GRIPAP1: variants seen among roughly 807,000 people sequenced by gnomAD.
The protein encoded by GRIPAP1 is GRIP1-associated protein 1.
In GRIPAP1, 14 loss-of-function variants were observed where a neutral mutation model predicts 84.1. The observed-to-expected ratio is 0.17, with a 90% CI of 0.11 to 0.26. The LOEUF (loss-of-function observed/expected upper bound fraction) is 0.26, where lower values mean the gene tolerates loss of function less well. GRIPAP1 is among the 10% of genes least tolerant of loss of function. The pLI is 1.00. For missense variants in GRIPAP1, 518 were observed against 674.2 expected (o/e 0.77, Z 2.57); for synonymous variants, 261 against 256.8 (o/e 1.02, Z -0.15).
At chrX:48,981,765 G>T (rs1486564233) in intron 18 of GRIPAP1, 30 bp downstream of exon 18, 1 of 1,172,406 alleles carries the variant, frequency 8.5e-7, no homozygotes, top group African/African-American at 1.7e-5. Flanking sequence ...TCACTGTCTG[G>T]AGAGAGGAAC....
intron 5 of GRIPAP1, among the ~76,000 whole-genome samples, chrX:48,996,362 T>C (rs782009872): frequency 6.2e-5 from 7 of 112,247 alleles, no homozygotes; most frequent in African/African-American, 1.6e-4. Context: ...TCCCAACACT[T>C]TGGGAGGCCA....
intron 5 of GRIPAP1, among the ~76,000 whole-genome samples, chrX:48,997,022 T>G (rs1326002341): frequency 2.7e-5 from 3 of 111,396 alleles, no homozygotes; most frequent in Non-Finnish European, 5.7e-5. Flanking sequence ...AAGGAGTGAC[T>G]TGGCCAGGAA....
chrX:48,979,737 G>A (rs1288105601), intron 21 of GRIPAP1, among the ~76,000 whole-genome samples: 3 of 100,116 alleles, frequency 3.0e-5, no homozygotes, highest in African/African-American at 1.1e-4. Context: ...TCAGCCTCCC[G>A]AAGTAGCTGG....
intron 6 of GRIPAP1, 67 bp from the exon 7 acceptor site, chrX:48,991,177 T>C (rs782513005): frequency 8.7e-6 from 7 of 803,347 alleles, no homozygotes; most frequent in Non-Finnish European, 1.3e-5. Flanking sequence ...ATGCCTCGAA[T>C]AGAGGGAGAA....
rs782370453 is a variant in GRIPAP1, at chrX:48,978,337, G to A, written c.2029C>T (p.Arg677Trp). ...GGAACAGCCGAGCTCTCCTTTTCCC[G>A]CAAGATCTCCCGGTAGCTGAAGGAG... Reference protein sequence around the residue: ...ISSFSYREILREKESSAVPAR... With the variant: ...ISSFSYREILWEKESSAVPAR... Residue 677 changes from arginine (R) to tryptophan (W), a missense_variant, in exon 22 of 26, where the codon CGG (arginine) becomes TGG (tryptophan). Coordinates refer to ENST00000376423, the MANE Select transcript of GRIPAP1 (RefSeq NM_020137.5). 5.8e-6 allele frequency: 7 copies of A among 1,208,688 alleles called. No individual in the cohort carries two copies. The highest frequency in any genetic ancestry group is 3.5e-5 in the South Asian group (2 of 56,358).
At chrX:48,974,857 TG>T (rs781948375) in intron 25 of GRIPAP1, among the ~76,000 whole-genome samples, 23 of 111,162 alleles carry the variant, frequency 2.1e-4, no homozygotes, top group Admixed American at 9.5e-4. Context: ...TGGCAGGACA[TG>T]GGGTAGACAA....
chrX:48,977,534 G>A (rs2064429447), intron 22 of GRIPAP1: 1 of 105,727 alleles, frequency 9.5e-6, no homozygotes, highest in Non-Finnish European at 2.0e-5. Flanking sequence ...ATGTTGGCCA[G>A]GCCAGTTCTC....
chrX:48,974,185 G>A lies in GRIPAP1; in HGVS notation c.*8C>T, dbSNP rs782051608. 5.2e-6 allele frequency: 6 copies of A among 1,154,265 alleles called. No homozygotes were observed. The Admixed American group carries it at 1.3e-4, about 25-fold the overall frequency. ...GAAGGGGAGGAGGTGGGTGCAGCCT[G>A]CAGGTCTTTAGCTGGTTTCTCCTGG... On this transcript the variant is annotated 3_prime_UTR_variant, in exon 26 of 26. Coordinates refer to ENST00000376423, the MANE Select transcript of GRIPAP1 (RefSeq NM_020137.5).
rs782740672 is a variant in GRIPAP1, at chrX:48,987,883, C to T, written c.949-6G>A. On this transcript the variant is annotated splice_region_variant and splice_polypyrimidine_tract_variant and intron_variant, in intron 12 of 25. Transcript: ENST00000376423. ...TCTGCACTCTGGATGGATACCTGGCCCCACGTCCACAGCAGGTGAGAGTGG... is the reference window on the plus strand; with the variant it reads ...TCTGCACTCTGGATGGATACCTGGCTCCACGTCCACAGCAGGTGAGAGTGG... 1.7e-6 allele frequency: 2 copies of T among 1,171,600 alleles called. No individual in the cohort carries two copies. The highest frequency in any genetic ancestry group is 1.8e-5 in the South Asian group (1 of 55,089).
chrX:48,975,275 G>A lies in GRIPAP1; in HGVS notation c.2313C>T (p.Ser771=), dbSNP rs782620835. ...VSVAAGHTDR[S]GLGSVLRDLV... ...GGTCTCTCAGGACGCTGCCCAGCCC[G>A]CTGCGGTCTGTGTGGCCTGCTGCCA... Residue 771 remains serine (S), a synonymous_variant, in exon 25 of 26, where the codon AGC becomes AGT. Transcript: ENST00000376423. 4.1e-5 allele frequency: 50 copies of A among 1,209,181 alleles called. No homozygotes were observed. Among genetic ancestry groups the A allele is most frequent in the Non-Finnish European group, 4.8e-5 (43 of 894,618 alleles).
rs2064409267 is a variant in GRIPAP1, at chrX:48,974,011, C to T, written c.*182G>A. Reference sequence around the variant, plus strand: ...TGCCCCTTCCCTCAGGATCCCCACTCCCTGGTGGCCTCTGCCCTAAGACAG... The same window carrying T: ...TGCCCCTTCCCTCAGGATCCCCACTTCCTGGTGGCCTCTGCCCTAAGACAG... On this transcript the variant is annotated 3_prime_UTR_variant, in exon 26 of 26. Coordinates refer to ENST00000376423, the MANE Select transcript of GRIPAP1 (RefSeq NM_020137.5). 8.4e-6 allele frequency: 3 copies of T among 355,035 alleles called. No homozygotes were observed. The East Asian group carries it at 1.2e-4, about 15-fold the overall frequency. 29.3% of individuals were successfully genotyped at this position (355,035 alleles called of 1,213,427 possible). A position where few individuals can be genotyped will look rare whatever the true frequency, so the allele number is the denominator to read the frequency against.
intron 17 of GRIPAP1, among the ~76,000 whole-genome samples, chrX:48,982,431 C>T (rs1453983202): frequency 1.8e-5 from 2 of 112,696 alleles, no homozygotes; most frequent in Non-Finnish European, 3.8e-5. Context: ...GGCTGGAGTA[C>T]AGTACACGAT....
chrX:48,980,392 A>G (rs1339674383), intron 21 of GRIPAP1, among the ~76,000 whole-genome samples: 1 of 110,426 alleles, frequency 9.1e-6, no homozygotes. Flanking sequence ...GCAGAGACTC[A>G]GGGAGTTTTA....
At chrX:48,988,384 G>C in intron 11 of GRIPAP1, 186 bp from the exon 12 acceptor site, 1 of 436,317 alleles carries the variant, frequency 2.3e-6, no homozygotes. Flanking sequence ...CTCAGACACA[G>C]TCAACCCCTC....
chrX:48,984,850 G>A (rs1166028244), intron 14 of GRIPAP1, among the ~76,000 whole-genome samples: 2 of 105,098 alleles, frequency 1.9e-5, no homozygotes, highest in Non-Finnish European at 3.9e-5. Flanking sequence ...GTGAAACCCC[G>A]TCTCTACTAA....
chrX:48,985,072 T>A lies in GRIPAP1; in HGVS notation c.1176+196A>T, dbSNP rs143119384. Among the ~76,000 whole-genome samples, 765 of 111,124 alleles carry A rather than the reference T, an allele frequency of 6.9e-3. 2 individuals carry two copies. Among genetic ancestry groups the A allele is most frequent in the Middle Eastern group, 0.014 (3 of 218 alleles). ...TTTAAAAAATGAAAAAGAATTGATA[T>A]CCTAACTAACTGAAGAGGCTCAGTT... On this transcript the variant is annotated intron_variant, in intron 14 of 25. Transcript: ENST00000376423.
chrX:48,990,580 A>T, intron 8 of GRIPAP1, 105 bp downstream of exon 8: 1 of 612,615 alleles, frequency 1.6e-6, no homozygotes, highest in Non-Finnish European at 2.7e-6. Flanking sequence ...GATGAAACCT[A>T]GGCTTTGATG....
At chrX:48,985,457 G>A in intron 13 of GRIPAP1, 55 bp from the exon 14 acceptor site, 1 of 1,068,464 alleles carries the variant, frequency 9.4e-7, no homozygotes, top group Middle Eastern at 2.8e-4. Context: ...AGGGGCCAGG[G>A]ACAGGGTATG....
At chrX:48,987,748 G>T in intron 13 of GRIPAP1, 37 bp downstream of exon 13, 1 of 859,771 alleles carries the variant, frequency 1.2e-6, no homozygotes, top group South Asian at 2.1e-5. Flanking sequence ...TGGGGGAACT[G>T]GAGAGGGATC....
Sources: gnomAD v4.1 joint callset for allele counts (sites outside exome capture counted in the v4.1 genomes callset) on GRCh38, gnomAD v4.1.1 for gene constraint, MANE v1.5 for transcripts, NCBI Gene and HGNC (gene_info 2026-07-23, HGNC 2026-07-21) for gene names.